BMPR1B: variants seen among roughly 807,000 people sequenced by gnomAD.
BMPR1B encodes the protein bone morphogenetic protein receptor type-1B.
A neutral mutation model predicts 59.1 loss-of-function variants in BMPR1B; 12 were observed. The observed-to-expected ratio is 0.20, with a 90% CI of 0.13 to 0.33. The LOEUF (loss-of-function observed/expected upper bound fraction) is 0.33, where lower values mean the gene tolerates loss of function less well. Ranked by LOEUF, BMPR1B falls within the 10% of genes least tolerant of loss-of-function variation. The pLI is 1.00. For synonymous variants in BMPR1B, 237 were observed against 207.3 expected, an observed-to-expected ratio of 1.14 and a Z score of -1.23; for missense variants, 550 against 610.9, an observed-to-expected ratio of 0.90 and a Z score of 1.05.
chr4:94,919,284 A>G (rs1046455240), intron 2 of BMPR1B, among the ~76,000 whole-genome samples: 8 of 152,184 alleles, frequency 5.3e-5, no homozygotes, highest in African/African-American at 1.9e-4. Flanking sequence ...CATATAGGAT[A>G]TGGATTTGAG....
chr4:95,055,904 G>C (rs531516275), intron 3 of BMPR1B, among the ~76,000 whole-genome samples: 1 of 152,094 alleles, frequency 6.6e-6, no homozygotes, highest in Non-Finnish European at 1.5e-5. Context: ...TTTTTTCTCT[G>C]TAAGCCAACT....
chr4:94,954,460 C>A (rs992007861), intron 2 of BMPR1B, among the ~76,000 whole-genome samples: 1 of 152,182 alleles, frequency 6.6e-6, no homozygotes, highest in African/African-American at 2.4e-5. Flanking sequence ...TATGGCTGCT[C>A]AGATTGTGCA....
Position 94,788,225 on chromosome 4 carries a change from C to T in BMPR1B, c.-183+30157C>T, listed in dbSNP as rs373239222. 5.8e-4 allele frequency among the ~76,000 whole-genome samples: 88 copies of T among 152,214 alleles called. 1 individual carries two copies. The highest frequency in any genetic ancestry group is 1.9e-3 in the African/African-American group (80 of 41,522). On this transcript the variant is annotated intron_variant, in intron 1 of 12. Transcript: ENST00000515059. ...TAAGAATTCTCTTGACTGGAAGCTG[C>T]GACCACAATATATTCACTTTGAGCT...
intron 2 of BMPR1B, among the ~76,000 whole-genome samples, chr4:94,944,206 C>G (rs1164875716): frequency 1.3e-5 from 2 of 152,116 alleles, no homozygotes; most frequent in Non-Finnish European, 2.9e-5. Context: ...AAACCTGAAA[C>G]ACTTCTGGTC....
At chr4:94,760,102 T>A (rs1223979172) in intron 1 of BMPR1B, among the ~76,000 whole-genome samples, 4 of 152,350 alleles carry the variant, frequency 2.6e-5, no homozygotes, top group Non-Finnish European at 4.4e-5. Context: ...TGAATTTTAA[T>A]GGCACTGATT....
intron 2 of BMPR1B, among the ~76,000 whole-genome samples, chr4:94,942,550 A>C (rs947494945): frequency 6.7e-6 from 1 of 149,252 alleles, no homozygotes; most frequent in African/African-American, 2.4e-5. Flanking sequence ...ATTAAATAAG[A>C]GTTTCCCATG....
chr4:94,849,616 G>A (rs919854344), intron 1 of BMPR1B, among the ~76,000 whole-genome samples: 1 of 152,102 alleles, frequency 6.6e-6, no homozygotes, highest in African/African-American at 2.4e-5. Flanking sequence ...CTGTAGTGCT[G>A]TGCTTGAGTT....
intron 2 of BMPR1B, among the ~76,000 whole-genome samples, chr4:94,954,613 G>A (rs1308182268): frequency 1.3e-5 from 2 of 152,128 alleles, no homozygotes; most frequent in Admixed American, 1.3e-4. Context: ...GAGAGCCTGC[G>A]GTCCTGGTTT....
chr4:94,989,119 G>A (rs1406716968), intron 2 of BMPR1B, among the ~76,000 whole-genome samples: 3 of 151,982 alleles, frequency 2.0e-5, no homozygotes, highest in Non-Finnish European at 4.4e-5. Context: ...GGCCGGGTGC[G>A]ATGGCTCACG....
intron 3 of BMPR1B, among the ~76,000 whole-genome samples, chr4:95,049,178 A>G (rs1578990536): frequency 6.6e-6 from 1 of 152,124 alleles, no homozygotes; most frequent in African/African-American, 2.4e-5. Flanking sequence ...CAGTGGTGTG[A>G]TCATAGCTCA....
intron 2 of BMPR1B, among the ~76,000 whole-genome samples, chr4:94,993,601 A>C (rs1376637674): frequency 6.6e-6 from 1 of 151,940 alleles, no homozygotes; most frequent in African/African-American, 2.4e-5. Context: ...TCTCTACTAA[A>C]AATACAAAAA....
chr4:94,778,733 T>G (rs1275854759), intron 1 of BMPR1B, among the ~76,000 whole-genome samples: 1 of 152,192 alleles, frequency 6.6e-6, no homozygotes, highest in Admixed American at 6.5e-5. Context: ...TTAAAATTTC[T>G]TAGTGGGGTC....
intron 2 of BMPR1B, among the ~76,000 whole-genome samples, chr4:94,992,516 A>G (rs984930876): frequency 2.0e-5 from 3 of 152,200 alleles, no homozygotes; most frequent in African/African-American, 7.2e-5. Context: ...CATTTTCTTT[A>G]TTTAAAAAAA....
intron 3 of BMPR1B, among the ~76,000 whole-genome samples, chr4:95,104,202 T>A (rs1162990219): frequency 2.0e-5 from 3 of 152,088 alleles, no homozygotes; most frequent in Admixed American, 6.6e-5. Flanking sequence ...CCTGAAAGGA[T>A]TATGGGTCTT....
At chr4:95,052,906 A>G (rs1726614120) in intron 3 of BMPR1B, among the ~76,000 whole-genome samples, 1 of 152,198 alleles carries the variant, frequency 6.6e-6, no homozygotes, top group Admixed American at 6.5e-5. Context: ...ACTGTGTCTT[A>G]AGAATGTTCC....
chr4:94,771,225 A>C (rs1328769694), intron 1 of BMPR1B, among the ~76,000 whole-genome samples: 1 of 152,202 alleles, frequency 6.6e-6, no homozygotes, highest in Admixed American at 6.5e-5. Context: ...GATAGTAGTT[A>C]CTGTCAACCC....
chr4:94,857,881 A>G (rs1725823491), intron 1 of BMPR1B, among the ~76,000 whole-genome samples: 1 of 152,248 alleles, frequency 6.6e-6, no homozygotes, highest in Non-Finnish European at 1.5e-5. Flanking sequence ...ACAAAAATAT[A>G]TTTTTGAAAA....
intron 3 of BMPR1B, among the ~76,000 whole-genome samples, chr4:95,061,186 CACACACACACACACACACACACACCA>C (rs1727344281): frequency 1.3e-5 from 2 of 149,420 alleles, no homozygotes. Context: ...CACACACACA[CACACACACACACACACACACACACCA>C]CACACCCCTC....
intron 2 of BMPR1B, among the ~76,000 whole-genome samples, chr4:94,970,331 T>C (rs1730739977): frequency 6.6e-6 from 1 of 151,130 alleles, no homozygotes; most frequent in African/African-American, 2.4e-5. Flanking sequence ...TCTCTTTTTC[T>C]CTTTCGGAGT....
Sources: allele counts gnomAD v4.1 joint callset (sites outside exome capture counted in the v4.1 genomes callset), GRCh38; gene constraint gnomAD v4.1.1; transcripts MANE v1.5; gene names NCBI Gene and HGNC (gene_info 2026-07-23, HGNC 2026-07-21).